The following MCTP2 variants were observed in gnomAD, a reference collection of about 807,000 sequenced individuals.
MCTP2 encodes the protein multiple C2 and transmembrane domain containing 2.
MCTP2 carries 132 observed loss-of-function variants against 111.6 expected under a neutral mutation model. That is an observed-to-expected ratio of 1.18 (90% CI 1.03 to 1.37). MCTP2 has a LOEUF of 1.37. Ranked by LOEUF, MCTP2 falls within the 40% of genes most tolerant of loss-of-function variation. The probability of loss-of-function intolerance (pLI) is 0.00; values close to 1 mark genes in which losing one functional copy is unlikely to be tolerated. For missense variants in MCTP2, 1,183 were observed against 1,067.9 expected (o/e 1.11, Z -1.50); for synonymous variants, 395 against 387.7 (o/e 1.02, Z -0.22).
chr15:94,423,647 G>A (rs1404321561), intron 17 of MCTP2, among the ~76,000 whole-genome samples: 1 of 152,158 alleles, frequency 6.6e-6, no homozygotes, highest in African/African-American at 2.4e-5. Flanking sequence ...ATGGGGGCTT[G>A]AATTTAGATA....
At chr15:94,261,800 T>A (rs1270674821) in intron 1 of MCTP2, among the ~76,000 whole-genome samples, 1 of 152,234 alleles carries the variant, frequency 6.6e-6, no homozygotes, top group Non-Finnish European at 1.5e-5. Context: ...GGCTGATGTT[T>A]ATGCTGATTC....
chr15:94,360,712 A>G (rs371956246), intron 10 of MCTP2, among the ~76,000 whole-genome samples: 1 of 152,156 alleles, frequency 6.6e-6, no homozygotes, highest in South Asian at 2.1e-4. Flanking sequence ...GAGACAAAAA[A>G]AGTAATTTAA....
chr15:94,480,226 T>C lies in MCTP2; in HGVS notation c.*1192T>C, dbSNP rs2074655495. On this transcript the variant is annotated 3_prime_UTR_variant, in exon 23 of 23. Transcript: ENST00000357742. ...AATGATATTTAAGTTTTAAAGACTGTATTTTGTTGACACATACTTTGTGCA... is the reference window on the plus strand; with the variant it reads ...AATGATATTTAAGTTTTAAAGACTGCATTTTGTTGACACATACTTTGTGCA... 6.6e-6 allele frequency: 1 copy of C among 152,220 alleles called. No homozygotes were observed. The highest frequency in any genetic ancestry group is 1.5e-5 in the Non-Finnish European group (1 of 68,034). 9.4% of individuals were successfully genotyped at this position (152,220 alleles called of 1,614,324 possible).
At chr15:94,316,510 G>A (rs2076385464) in intron 4 of MCTP2, among the ~76,000 whole-genome samples, 4 of 152,182 alleles carry the variant, frequency 2.6e-5, no homozygotes, top group Admixed American at 2.0e-4. Context: ...GATGCCTTGG[G>A]TTGTTTATTT....
At chr15:94,469,727 T>G (rs1327393020) in intron 20 of MCTP2, among the ~76,000 whole-genome samples, 1 of 151,816 alleles carries the variant, frequency 6.6e-6, no homozygotes, top group Non-Finnish European at 1.5e-5. Context: ...AAATTAGAAT[T>G]AGGCTGTGGT....
At chr15:94,237,317 C>T (rs1227669926) in intron 1 of MCTP2, among the ~76,000 whole-genome samples, 12 of 152,180 alleles carry the variant, frequency 7.9e-5, no homozygotes. Flanking sequence ...ATGAATCCTC[C>T]ACTCTCTTTG....
chr15:94,361,974 A>T (rs1412454129), intron 10 of MCTP2, among the ~76,000 whole-genome samples: 3 of 152,164 alleles, frequency 2.0e-5, no homozygotes, highest in Non-Finnish European at 4.4e-5. Flanking sequence ...CTCCTGAGTC[A>T]TGTGGAACTT....
chr15:94,428,397 T>G (rs1346884459), intron 17 of MCTP2, among the ~76,000 whole-genome samples: 1 of 152,220 alleles, frequency 6.6e-6, no homozygotes, highest in Non-Finnish European at 1.5e-5. Context: ...TGAACTATTT[T>G]TTCTCTCTAG....
At position 94,298,614 on chromosome 15, in the gene MCTP2, G is replaced by A. The variant is rs769511317; in HGVS notation, c.349G>A (p.Glu117Lys). ...AGAAGCCAGTCACCTCCATGTGGTG[G>A]AAACAGACTCAGAGGAGGCCTATGC... ...QEEASHLHVV[E>K]TDSEEAYASP... is the part of the protein sequence containing the mutation. Residue 117 changes from glutamate (E) to lysine (K), a missense_variant, in exon 2 of 23, where the codon GAA becomes AAA. Physicochemically the swap from Glu to Lys is moderately conservative, Grantham distance 56. Transcript: ENST00000357742. 14 of 1,614,124 alleles carry A rather than the reference G, an allele frequency of 8.7e-6. No individual in the cohort carries two copies. The highest frequency in any genetic ancestry group is 1.2e-5 in the Non-Finnish European group (14 of 1,180,002).
intron 8 of MCTP2, among the ~76,000 whole-genome samples, chr15:94,347,384 T>A (rs2078041246): frequency 6.6e-6 from 1 of 152,236 alleles, no homozygotes; most frequent in Non-Finnish European, 1.5e-5. Flanking sequence ...TCCTAAGGAA[T>A]GTATTACCTA....
rs779050832 is a variant in MCTP2, at chr15:94,340,764, A to G, written c.858-49A>G. On this transcript the variant is annotated intron_variant, in intron 6 of 22. Transcript: ENST00000357742. ...AAGCTCCTGATGCGTGTAGGTCAATACAGTCCTGTCAATAAGTGGTAGCAT... is the reference window on the plus strand; with the variant it reads ...AAGCTCCTGATGCGTGTAGGTCAATGCAGTCCTGTCAATAAGTGGTAGCAT... 1.7e-5 allele frequency: 20 copies of G among 1,177,758 alleles called. No individual in the cohort carries two copies. The African/African-American group carries it at 1.8e-4, about 11-fold the overall frequency. The allele number at this position is 1,177,758 out of a possible 1,614,324, so 73.0% of individuals were successfully genotyped here.
chr15:94,285,212 CAT>C (rs1185169412), intron 1 of MCTP2, among the ~76,000 whole-genome samples: 6 of 152,334 alleles, frequency 3.9e-5, no homozygotes, highest in Non-Finnish European at 8.8e-5. Flanking sequence ...AGTTTGACAA[CAT>C]GTGTGAAATG....
intron 17 of MCTP2, chr15:94,402,402 T>C: frequency 6.6e-7 from 1 of 1,518,110 alleles, no homozygotes; most frequent in Non-Finnish European, 8.9e-7. Flanking sequence ...AAGTAAATTA[T>C]TCCCAAACTT....
intron 19 of MCTP2, 82 bp downstream of exon 19, chr15:94,443,042 CCTCTCTTT>C: frequency 1.0e-6 from 1 of 996,970 alleles, no homozygotes. Context: ...GAGTCTCTCT[CCTCTCTTT>C]TTTTTTTTTT....
chr15:94,452,352 G>A (rs1240705949), intron 19 of MCTP2, among the ~76,000 whole-genome samples: 1 of 152,162 alleles, frequency 6.6e-6, no homozygotes, highest in Non-Finnish European at 1.5e-5. Flanking sequence ...GAGGTACAAT[G>A]CAAATTGAGA....
At chr15:94,467,873 CAAATGTAG>C (rs1479911486) in intron 20 of MCTP2, among the ~76,000 whole-genome samples, 1 of 151,982 alleles carries the variant, frequency 6.6e-6, no homozygotes, top group East Asian at 1.9e-4. Flanking sequence ...TGGACCTATA[CAAATGTAG>C]AAATTCAAAA....
intron 4 of MCTP2, among the ~76,000 whole-genome samples, chr15:94,316,038 C>G (rs1385778630): frequency 6.6e-6 from 1 of 152,142 alleles, no homozygotes; most frequent in African/African-American, 2.4e-5. Flanking sequence ...GAAACTATCT[C>G]CCTTCTGCTT....
chr15:94,354,188 C>A (rs1271427581), intron 8 of MCTP2, among the ~76,000 whole-genome samples: 1 of 151,992 alleles, frequency 6.6e-6, no homozygotes, highest in African/African-American at 2.4e-5. Context: ...TTTTAAAATT[C>A]TTTCCTCATT....
chr15:94,336,351 G>C (rs1411445010), intron 4 of MCTP2, among the ~76,000 whole-genome samples: 14 of 152,108 alleles, frequency 9.2e-5, no homozygotes, highest in Admixed American at 9.2e-4. Flanking sequence ...TTCATTCCCA[G>C]GTTCACTTCT....
Sources: gnomAD v4.1 joint callset for allele counts (sites outside exome capture counted in the v4.1 genomes callset) on GRCh38, gnomAD v4.1.1 for gene constraint, MANE v1.5 for transcripts, NCBI Gene and HGNC (gene_info 2026-07-23, HGNC 2026-07-21) for gene names.